RIPOR2: variants seen among roughly 807,000 people sequenced by gnomAD.
RIPOR2 encodes the protein rho family-interacting cell polarization regulator 2.
RIPOR2 carries 39 observed loss-of-function variants against 114.5 expected under a neutral mutation model. The ratio of observed to expected loss-of-function variants is 0.34; its 90% CI spans 0.26 to 0.44. The LOEUF is 0.44. Among genes scored for constraint, RIPOR2 ranks in the 20% least tolerant of loss-of-function variants. The pLI, the probability that RIPOR2 is intolerant of heterozygous loss-of-function variation, is 1.00. For synonymous variants in RIPOR2, 445 were observed against 484.4 expected, an observed-to-expected ratio of 0.92 and a Z score of 1.07; for missense variants, 1,007 against 1,255.1, an observed-to-expected ratio of 0.80 and a Z score of 2.99.
chr6:24,972,706 C>A (rs988836646), intron 1 of RIPOR2, among the ~76,000 whole-genome samples: 5 of 152,154 alleles, frequency 3.3e-5, no homozygotes, highest in African/African-American at 1.2e-4. Context: ...ATTTGTCCAG[C>A]ATTACAATGA....
chr6:24,877,301 C>A (rs1765894024), intron 1 of RIPOR2: 1 of 985,222 alleles, frequency 1.0e-6, no homozygotes. Flanking sequence ...GTTTTTAAAT[C>A]CCCTCCCTCC....
At chr6:25,036,203 AAGTCGCC>A (rs1419924435) in intron 1 of RIPOR2, among the ~76,000 whole-genome samples, 2 of 152,174 alleles carry the variant, frequency 1.3e-5, no homozygotes, top group Non-Finnish European at 2.9e-5. Flanking sequence ...CACTGGGAGG[AAGTCGCC>A]AGTGGTATCT....
At chr6:24,937,559 A>G (rs1771884738), upstream of RIPOR2, among the ~76,000 whole-genome samples, 1 of 152,280 alleles carries the variant, frequency 6.6e-6, no homozygotes, top group African/African-American at 2.4e-5. Context: ...CATAAATTAA[A>G]TTAATTAAAA....
intron 1 of RIPOR2, among the ~76,000 whole-genome samples, chr6:25,007,835 G>T (rs565477189): frequency 3.3e-5 from 5 of 151,608 alleles, no homozygotes; most frequent in Admixed American, 3.3e-4. Flanking sequence ...ATTGATATCC[G>T]GGAGGGACCT....
chr6:24,927,315 C>T lies in RIPOR2; in HGVS notation c.61+8523G>A, dbSNP rs1185177292. Among the ~76,000 whole-genome samples the T allele has an allele frequency of 8.2e-5, 9 of 109,140 alleles. 1 individual carries two copies. Among genetic ancestry groups the T allele is most frequent in the East Asian group, 5.6e-4 (2 of 3,600 alleles). The allele number at this position is 109,140 out of a possible 152,430, so 71.6% of individuals were successfully genotyped here. On this transcript the variant is annotated intron_variant, in intron 1 of 21. Coordinates refer to ENST00000643898, the MANE Select transcript of RIPOR2 (RefSeq NM_001286445.3). ...CCACCACCACCACCACAACTACAAT[C>T]ACTACCACCATCACCACCACCACCA...
At chr6:24,829,574 C>T (rs959142698) in intron 17 of RIPOR2, among the ~76,000 whole-genome samples, 3 of 152,194 alleles carry the variant, frequency 2.0e-5, no homozygotes, top group Non-Finnish European at 4.4e-5. Context: ...CTGCAGTGAG[C>T]TGTTAAAACA....
At chr6:24,949,630 A>G (rs376959879) in intron 1 of RIPOR2, among the ~76,000 whole-genome samples, 1 of 152,254 alleles carries the variant, frequency 6.6e-6, no homozygotes, top group Non-Finnish European at 1.5e-5. Flanking sequence ...GGGACTTGGC[A>G]AATGCCAAAA....
In RIPOR2 at chr6:25,010,607, T is replaced by C. The variant is rs142631992; in HGVS notation, c.76+31244A>G. Among the ~76,000 whole-genome samples the C allele has an allele frequency of 1.8e-4, 27 of 152,348 alleles. No individual in the cohort carries two copies. In the East Asian group the frequency reaches 5.0e-3, roughly 28 times the overall value. The stretch of plus-strand genomic sequence containing the variant: ...TTCTTGTTAGATGGCATTTTTTGAC[T>C]AGAACTCTATACTAGGATTGGGCTA... On this transcript the variant is annotated intron_variant, in intron 1 of 13. Coordinates refer to the RIPOR2 transcript ENST00000510784.
chr6:25,024,225 C>T (rs978755280), intron 1 of RIPOR2: 43 of 1,516,312 alleles, frequency 2.8e-5, no homozygotes, highest in African/African-American at 1.1e-4. Flanking sequence ...CAGGAGGTAG[C>T]GGTCCTCATA....
At chr6:24,950,643 G>T (rs1223720294) in intron 1 of RIPOR2, among the ~76,000 whole-genome samples, 2 of 152,172 alleles carry the variant, frequency 1.3e-5, no homozygotes, top group Admixed American at 6.5e-5. Context: ...CAGGGTCACC[G>T]GAGCAAGCCA....
intron 12 of RIPOR2, among the ~76,000 whole-genome samples, chr6:24,845,177 A>G (rs545315396): frequency 6.6e-6 from 1 of 152,072 alleles, no homozygotes; most frequent in African/African-American, 2.4e-5. Context: ...AGGATGTTTT[A>G]CTCTATTAGT....
intron 1 of RIPOR2, among the ~76,000 whole-genome samples, chr6:24,965,972 A>C (rs1183254437): frequency 6.6e-6 from 1 of 151,944 alleles, no homozygotes; most frequent in Non-Finnish European, 1.5e-5. Flanking sequence ...TGATCACAAC[A>C]CAATGAACTG....
At position 25,026,301 on chromosome 6, in the gene RIPOR2, C is replaced by A. The variant is rs568317180; in HGVS notation, c.76+15550G>T. ...TTTATTAGATATTTATATAGGTATA[C>A]CTTTTGTCACGTGTATAAATGAGAG... On this transcript the variant is annotated intron_variant, in intron 1 of 13. Transcript: ENST00000510784. 2.0e-4 allele frequency among the ~76,000 whole-genome samples: 31 copies of A among 152,190 alleles called. 3 individuals are homozygous for A. In the South Asian group the frequency reaches 6.2e-3, roughly 31 times the overall value.
chr6:25,005,737 A>ATATATATATATATG (rs1554130548), intron 1 of RIPOR2, among the ~76,000 whole-genome samples: 7 of 120,138 alleles, frequency 5.8e-5, no homozygotes, highest in Non-Finnish European at 1.1e-4. Context: ...ATATATATAT[A>ATATATATATATATG]TATACATTTA....
chr6:24,902,796 C>T (rs1384631428), intron 1 of RIPOR2, among the ~76,000 whole-genome samples: 1 of 152,170 alleles, frequency 6.6e-6, no homozygotes, highest in Non-Finnish European at 1.5e-5. Context: ...GTTTCTTAGA[C>T]CAATGTTCTG....
In RIPOR2 at chr6:24,819,129, T is replaced by C. The variant is rs1201442326; in HGVS notation, c.2869-504A>G. ...AGGAGAATATAAGGGATCAATTTAT[T>C]AAATAAAATTGGGAGAGAGTTATGA... On this transcript the variant is annotated intron_variant, in intron 19 of 21. Coordinates refer to ENST00000643898, the MANE Select transcript of RIPOR2 (RefSeq NM_001286445.3). Among the ~76,000 whole-genome samples, 3 of 152,048 alleles carry C rather than the reference T, an allele frequency of 2.0e-5. No homozygotes were observed. The East Asian group carries it at 5.8e-4, about 29-fold the overall frequency.
chr6:25,008,478 G>C (rs1775647006), intron 1 of RIPOR2, among the ~76,000 whole-genome samples: 1 of 152,238 alleles, frequency 6.6e-6, no homozygotes, highest in African/African-American at 2.4e-5. Context: ...CTAGAAGCTG[G>C]AAAAGGCAAG....
chr6:24,934,569 T>G (rs1403804303), intron 1 of RIPOR2, among the ~76,000 whole-genome samples: 1 of 152,244 alleles, frequency 6.6e-6, no homozygotes, highest in African/African-American at 2.4e-5. Flanking sequence ...TCAGCGAACT[T>G]GTATTGCTTG....
chr6:24,923,634 C>A (rs1413379538), intron 1 of RIPOR2, among the ~76,000 whole-genome samples: 1 of 152,004 alleles, frequency 6.6e-6, no homozygotes, highest in Non-Finnish European at 1.5e-5. Context: ...CACTTGAGGC[C>A]AGGAGTTTGA....
Sources: allele counts gnomAD v4.1 joint callset (sites outside exome capture counted in the v4.1 genomes callset), GRCh38; gene constraint gnomAD v4.1.1; transcripts MANE v1.5; gene names NCBI Gene and HGNC (gene_info 2026-07-23, HGNC 2026-07-21).